The following PHACTR4 variants were observed in gnomAD, a reference collection of about 807,000 sequenced individuals.
PHACTR4 encodes phosphatase and actin regulator 4, also known as protein phosphatase 1, regulatory subunit 124.
A neutral mutation model predicts 72.7 loss-of-function variants in PHACTR4; 51 were observed. That is an observed-to-expected ratio of 0.70 (90% CI 0.56 to 0.89). The LOEUF (loss-of-function observed/expected upper bound fraction) is 0.89. PHACTR4 is among the 40% of genes least tolerant of loss of function. The pLI is 0.00. For synonymous variants in PHACTR4, 255 were observed against 302.5 expected (o/e 0.84, Z 1.63); for missense variants, 731 against 861.8 (o/e 0.85, Z 1.90).
At chr1:28,398,714 G>C (rs528704673) in intron 1 of PHACTR4, among the ~76,000 whole-genome samples, 1 of 151,954 alleles carries the variant, frequency 6.6e-6, no homozygotes, top group Non-Finnish European at 1.5e-5. Context: ...AGCTACTTGG[G>C]AGGCTGAGGC....
At chr1:28,494,961 A>G (rs1661257523) in intron 13 of PHACTR4, among the ~76,000 whole-genome samples, 1 of 152,332 alleles carries the variant, frequency 6.6e-6, no homozygotes, top group African/African-American at 2.4e-5. Context: ...AAATAATCTT[A>G]GTGAGCATAG....
At position 28,498,613 on chromosome 1, in the gene PHACTR4, G is replaced by A. The variant is rs1661495545; in HGVS notation, c.*2064G>A. 1 of 152,170 alleles carries A rather than the reference G, an allele frequency of 6.6e-6. No individual in the cohort carries two copies. Among genetic ancestry groups the A allele is most frequent in the African/African-American group, 2.4e-5 (1 of 41,442 alleles). The allele number at this position is 152,170 out of a possible 1,614,324, so 9.4% of individuals were successfully genotyped here. A position where few individuals can be genotyped will look rare whatever the true frequency, so the allele number is the denominator to read the frequency against. ...ATAGCTTCTGTTTAATCTGATGAAT[G>A]TGGCTTTTTTTCCCTTCACTTTAAT... On this transcript the variant is annotated 3_prime_UTR_variant, in exon 14 of 14. Coordinates refer to ENST00000373839, the MANE Select transcript of PHACTR4 (RefSeq NM_001048183.3).
intron 2 of PHACTR4, among the ~76,000 whole-genome samples, chr1:28,435,276 TTTC>T (rs1187057299): frequency 5.3e-5 from 8 of 152,236 alleles, no homozygotes; most frequent in African/African-American, 1.9e-4. Context: ...ACAATTTTTT[TTTC>T]TTCGAGACAG....
chr1:28,432,063 G>C (rs1229610717), intron 2 of PHACTR4, among the ~76,000 whole-genome samples: 1 of 152,116 alleles, frequency 6.6e-6, no homozygotes, highest in Non-Finnish European at 1.5e-5. Flanking sequence ...ACAAAAATTA[G>C]CTGGGTGTGG....
At chr1:28,469,829 G>A (rs1468732672) in intron 6 of PHACTR4, among the ~76,000 whole-genome samples, 2 of 152,158 alleles carry the variant, frequency 1.3e-5, no homozygotes, top group African/African-American at 2.4e-5. Context: ...GCCGAGGTGG[G>A]CAGATCGCTT....
At chr1:28,415,357 A>G (rs1016877516) in intron 2 of PHACTR4, among the ~76,000 whole-genome samples, 7 of 152,144 alleles carry the variant, frequency 4.6e-5, no homozygotes, top group East Asian at 3.9e-4. Flanking sequence ...GGATGTGCAT[A>G]GAATTTGTGC....
chr1:28,479,859 C>A (rs1432093039), intron 8 of PHACTR4, among the ~76,000 whole-genome samples: 1 of 152,166 alleles, frequency 6.6e-6, no homozygotes, highest in East Asian at 1.9e-4. Flanking sequence ...TGACACTGCA[C>A]TCCAGCCTGG....
chr1:28,465,412 A>T lies in PHACTR4; in HGVS notation c.272-273A>T, dbSNP rs1000146434. ...GAGGCAGAGGCTGCAGCGAGCCAAGATCATGCCACTGCACTCCAGCCTGGT... is the reference window on the plus strand; with the variant it reads ...GAGGCAGAGGCTGCAGCGAGCCAAGTTCATGCCACTGCACTCCAGCCTGGT... On this transcript the variant is annotated intron_variant, in intron 4 of 13. Transcript: ENST00000373839. 4.6e-5 allele frequency among the ~76,000 whole-genome samples: 7 copies of T among 152,196 alleles called. No individual in the cohort carries two copies. In the East Asian group the frequency reaches 9.7e-4, roughly 21 times the overall value.
intron 6 of PHACTR4, among the ~76,000 whole-genome samples, chr1:28,468,612 G>A (rs1659369889): frequency 6.6e-6 from 1 of 152,090 alleles, no homozygotes; most frequent in Non-Finnish European, 1.5e-5. Flanking sequence ...GAAGAAGGTT[G>A]TAGTTAGTGA....
At chr1:28,454,527 G>A (rs1658230761) in intron 2 of PHACTR4, among the ~76,000 whole-genome samples, 1 of 151,930 alleles carries the variant, frequency 6.6e-6, no homozygotes, top group Admixed American at 6.6e-5. Context: ...GCCTCCCAAA[G>A]TGCTGGGATT....
intron 2 of PHACTR4, among the ~76,000 whole-genome samples, chr1:28,421,984 T>G (rs1207174190): frequency 2.0e-5 from 3 of 152,250 alleles, no homozygotes; most frequent in Non-Finnish European, 2.9e-5. Flanking sequence ...ATTAATTCAT[T>G]CAATAAATTT....
intron 2 of PHACTR4, among the ~76,000 whole-genome samples, chr1:28,451,102 G>A (rs1392300430): frequency 1.3e-5 from 2 of 150,576 alleles, no homozygotes; most frequent in African/African-American, 4.9e-5. Flanking sequence ...TTATAGGCAC[G>A]AGCCACCGCA....
At chr1:28,489,834 G>T (rs923262043) in intron 10 of PHACTR4, 1 of 518,756 alleles carries the variant, frequency 1.9e-6, no homozygotes, top group African/African-American at 1.9e-5. Flanking sequence ...GCTTCCTTGG[G>T]GCTATTTGTG....
At chr1:28,370,628 C>T (rs1651170813) in intron 1 of PHACTR4, among the ~76,000 whole-genome samples, 1 of 92,192 alleles carries the variant, frequency 1.1e-5, no homozygotes, top group Non-Finnish European at 2.2e-5. Flanking sequence ...AAAAAACCCT[C>T]CAGTGCTTCA....
intron 3 of PHACTR4, among the ~76,000 whole-genome samples, chr1:28,459,478 T>G (rs1245996366): frequency 1.3e-5 from 2 of 148,264 alleles, no homozygotes. Context: ...CACAGTTCAC[T>G]GCAGATTCAA....
chr1:28,373,463 T>C (rs1344133188), intron 1 of PHACTR4, among the ~76,000 whole-genome samples: 1 of 152,140 alleles, frequency 6.6e-6, no homozygotes, highest in Non-Finnish European at 1.5e-5. Flanking sequence ...GCTAATTTTG[T>C]ATTTTTAGTA....
intron 2 of PHACTR4, chr1:28,457,745 G>C (rs1335284667): frequency 6.6e-6 from 5 of 759,738 alleles, no homozygotes; most frequent in South Asian, 6.0e-5. Flanking sequence ...ATCATATGCT[G>C]TTCCTTGATG....
At chr1:28,403,977 TG>T (rs2124265566) in intron 1 of PHACTR4, among the ~76,000 whole-genome samples, 1 of 152,342 alleles carries the variant, frequency 6.6e-6, no homozygotes, top group Non-Finnish European at 1.5e-5. Flanking sequence ...GGAAAGACAC[TG>T]GGTGGTTTTC....
chr1:28,483,722 C>T (rs950389644), intron 9 of PHACTR4, among the ~76,000 whole-genome samples: 1 of 146,068 alleles, frequency 6.8e-6, no homozygotes, highest in African/African-American at 2.6e-5. Context: ...TGGCATGAAC[C>T]TGGGAGGTGG....
Sources: gnomAD v4.1 joint callset for allele counts (sites outside exome capture counted in the v4.1 genomes callset) on GRCh38, gnomAD v4.1.1 for gene constraint, MANE v1.5 for transcripts, NCBI Gene and HGNC (gene_info 2026-07-23, HGNC 2026-07-21) for gene names.